Variants in CPEB3 observed in about 807,000 individuals in gnomAD.
CPEB3 encodes the protein cytoplasmic polyadenylation element binding protein 3.
A neutral mutation model predicts 67.2 loss-of-function variants in CPEB3; 20 were observed. That is an observed-to-expected ratio of 0.30 (90% confidence interval 0.21 to 0.43). The LOEUF (loss-of-function observed/expected upper bound fraction) is 0.43. Ranked by LOEUF, CPEB3 falls within the 20% of genes least tolerant of loss-of-function variation. The pLI is 1.00. For missense variants in CPEB3, 746 were observed against 968.6 expected (o/e 0.77, Z 3.05); for synonymous variants, 376 against 393.1 (o/e 0.96, Z 0.51).
chr10:92,284,413 T>G (rs1157783454), intron 1 of CPEB3, among the ~76,000 whole-genome samples: 1 of 152,134 alleles, frequency 6.6e-6, no homozygotes, highest in Non-Finnish European at 1.5e-5. Context: ...CAAAATTCCT[T>G]AAACTGGCCT....
In CPEB3 at chr10:92,239,928, G is replaced by A. The variant is rs770706331; in HGVS notation, c.423C>T (p.His141=). The A allele has an allele frequency of 6.2e-7, 1 of 1,613,636 alleles. No individual in the cohort carries two copies. Residue 141 remains histidine (H), a synonymous_variant, in exon 2 of 10, where the codon CAC becomes CAT. Coordinates refer to ENST00000265997, the MANE Select transcript of CPEB3 (RefSeq NM_014912.5). The surrounding 1 kb of genome is among the most constrained non-coding windows in gnomAD (Gnocchi z 6.0). Reference sequence around the variant, plus strand: ...TGCCTCCGAAGACTGGGTTGACATGGTGCGGGAAGTTCTGGAAGAGCATGG... The same window carrying A: ...TGCCTCCGAAGACTGGGTTGACATGATGCGGGAAGTTCTGGAAGAGCATGG... ...NGTMLFQNFP[H]HVNPVFGGTF...
intron 1 of CPEB3, among the ~76,000 whole-genome samples, chr10:92,253,295 A>G (rs1852375682): frequency 6.6e-6 from 1 of 151,962 alleles, no homozygotes; most frequent in Non-Finnish European, 1.5e-5. Context: ...TGCCATCTCT[A>G]CTAAATATAC....
Position 92,048,387 on chromosome 10 carries a change from T to TCACACACACACACACACACACA in CPEB3, c.*3824_*3825insTGTGTGTGTGTGTGTGTGTGTG, listed in dbSNP as rs55921749. The TCACACACACACACACACACACA allele has an allele frequency of 6.4e-5, 9 of 141,380 alleles. No individual in the cohort carries two copies. Among genetic ancestry groups the TCACACACACACACACACACACA allele is most frequent in the African/African-American group, 2.2e-4 (8 of 36,884 alleles). 8.8% of individuals were successfully genotyped at this position (141,380 alleles called of 1,614,324 possible). On this transcript the variant is annotated 3_prime_UTR_variant, in exon 10 of 10. Transcript: ENST00000265997. The surrounding 1 kb of genome is among the most constrained non-coding windows in gnomAD (Gnocchi z 4.1). ...TTCTCTCTCTCTCTCTCTCTCTCTC[T>TCACACACACACACACACACACA]CACACACACACACACACACACGACA... is the stretch of plus-strand genomic sequence containing the variant.
intron 1 of CPEB3, among the ~76,000 whole-genome samples, chr10:92,257,104 C>T (rs1342835680): frequency 6.6e-6 from 1 of 152,144 alleles, no homozygotes; most frequent in African/African-American, 2.4e-5. Flanking sequence ...CTTAATAATA[C>T]AAAGTTTAAT....
intron 1 of CPEB3, among the ~76,000 whole-genome samples, chr10:92,268,013 TCAC>T (rs1404666265): frequency 6.6e-6 from 1 of 152,128 alleles, no homozygotes. Flanking sequence ...GAGACGGGTT[TCAC>T]CACGTCGGCC....
chr10:92,148,886 T>C (rs909375679), intron 4 of CPEB3, among the ~76,000 whole-genome samples: 2 of 150,486 alleles, frequency 1.3e-5, no homozygotes, highest in African/African-American at 2.5e-5. Context: ...GAATTTAATA[T>C]TTATTCTAAT....
At chr10:92,153,529 T>C (rs1401822707) in intron 4 of CPEB3, among the ~76,000 whole-genome samples, 1 of 152,146 alleles carries the variant, frequency 6.6e-6, no homozygotes, top group East Asian at 1.9e-4. Flanking sequence ...CTCATGCCTA[T>C]AATCCCAGCA....
intron 7 of CPEB3, among the ~76,000 whole-genome samples, chr10:92,099,791 G>A (rs529824241): frequency 6.6e-6 from 1 of 151,724 alleles, no homozygotes; most frequent in Non-Finnish European, 1.5e-5. Context: ...CTGAATCTGG[G>A]AGGCAGAGGT....
intron 4 of CPEB3, among the ~76,000 whole-genome samples, chr10:92,176,746 A>C (rs1411561899): frequency 6.6e-6 from 1 of 152,240 alleles, no homozygotes; most frequent in Non-Finnish European, 1.5e-5. Flanking sequence ...TCATGGAGGC[A>C]CCAGTATCCT....
intron 1 of CPEB3, among the ~76,000 whole-genome samples, chr10:92,247,116 G>A (rs1023659152): frequency 6.6e-6 from 1 of 151,982 alleles, no homozygotes; most frequent in Non-Finnish European, 1.5e-5. Context: ...AAATACAGAC[G>A]AAGAAAAGAA....
intron 7 of CPEB3, among the ~76,000 whole-genome samples, chr10:92,104,379 C>CTTTT (rs397845791): frequency 7.9e-6 from 1 of 127,222 alleles, no homozygotes; most frequent in Non-Finnish European, 1.6e-5. Context: ...GGAAATGCAA[C>CTTTT]TTTTTTTTTT....
chr10:92,114,832 G>C (rs963285845), intron 6 of CPEB3, among the ~76,000 whole-genome samples: 1 of 152,180 alleles, frequency 6.6e-6, no homozygotes, highest in Non-Finnish European at 1.5e-5. Flanking sequence ...CAGAGATGTA[G>C]GTTGTAAGAT....
intron 1 of CPEB3, among the ~76,000 whole-genome samples, chr10:92,250,858 A>AGTTTTTTTTTTTT (rs1454105127): frequency 1.9e-5 from 2 of 104,120 alleles, no homozygotes; most frequent in Non-Finnish European, 3.8e-5. Context: ...CACACAGTTA[A>AGTTTTTTTTTTTT]TTTTTTTTTT....
At chr10:92,140,349 T>G (rs1846343054) in intron 6 of CPEB3, among the ~76,000 whole-genome samples, 1 of 152,166 alleles carries the variant, frequency 6.6e-6, no homozygotes, top group Non-Finnish European at 1.5e-5. Flanking sequence ...CTATCTGATC[T>G]TACAAACCTG....
At chr10:92,189,830 C>T (rs1215185544) in intron 3 of CPEB3, among the ~76,000 whole-genome samples, 1 of 24,476 alleles carries the variant, frequency 4.1e-5, no homozygotes, top group Non-Finnish European at 7.2e-5. Context: ...GCCCTGCCTC[C>T]AGTGATTTTT....
chr10:92,233,327 A>C (rs993180660), intron 2 of CPEB3, among the ~76,000 whole-genome samples: 2 of 152,062 alleles, frequency 1.3e-5, no homozygotes, highest in Admixed American at 1.3e-4. Context: ...TCAGGAGTTC[A>C]AAACTAGCCT....
At chr10:92,139,332 G>A (rs1290981548) in intron 6 of CPEB3, among the ~76,000 whole-genome samples, 2 of 151,382 alleles carry the variant, frequency 1.3e-5, no homozygotes, top group Non-Finnish European at 2.9e-5. Flanking sequence ...TATACACAGT[G>A]GAGTAGTATT....
intron 9 of CPEB3, among the ~76,000 whole-genome samples, chr10:92,070,432 A>G (rs1842710335): frequency 1.3e-5 from 2 of 152,152 alleles, no homozygotes; most frequent in African/African-American, 4.8e-5. Context: ...CTTTTTCCCT[A>G]GAATATGGGT....
intron 8 of CPEB3, among the ~76,000 whole-genome samples, chr10:92,089,924 A>G (rs1843544715): frequency 6.6e-6 from 1 of 152,254 alleles, no homozygotes; most frequent in Non-Finnish European, 1.5e-5. Flanking sequence ...ACCAAATGTT[A>G]AAGAATATAA....
Sources: allele counts gnomAD v4.1 joint callset (sites outside exome capture counted in the v4.1 genomes callset), GRCh38; gene constraint gnomAD v4.1.1; non-coding constraint Gnocchi (gnomAD v3.1); transcripts MANE v1.5; gene names NCBI Gene and HGNC (gene_info 2026-07-23, HGNC 2026-07-21).